The following BMPR2 variants were observed in gnomAD, a reference collection of about 807,000 sequenced individuals.
BMPR2 encodes bone morphogenetic protein receptor type 2.
Under a neutral mutation model 100.8 loss-of-function variants are expected in BMPR2, and 29 were observed. The observed-to-expected ratio is 0.29, with a 90% confidence interval of 0.21 to 0.39. The LOEUF (loss-of-function observed/expected upper bound fraction) is 0.39, where lower values mean the gene tolerates loss of function less well. BMPR2 is among the 10% of genes least tolerant of loss of function. The probability of loss-of-function intolerance (pLI) is 1.00; values close to 1 mark genes in which losing one functional copy is unlikely to be tolerated. For synonymous variants in BMPR2, 382 were observed against 442.3 expected, an observed-to-expected ratio of 0.86 and a Z score of 1.71; for missense variants, 1,011 against 1,274.5, an observed-to-expected ratio of 0.79 and a Z score of 3.15.
intron 1 of BMPR2, among the ~76,000 whole-genome samples, chr2:202,453,205 CTTT>C (rs5837819): frequency 2.0e-5 from 3 of 148,668 alleles, no homozygotes; most frequent in African/African-American, 7.4e-5. Context: ...TATATACTGT[CTTT>C]TTTTTTTTTG....
chr2:202,527,946 G>T (rs1687949100), intron 7 of BMPR2, among the ~76,000 whole-genome samples: 1 of 152,164 alleles, frequency 6.6e-6, no homozygotes, highest in African/African-American at 2.4e-5. Flanking sequence ...CACTTTAGGA[G>T]GCTGAGGCAG....
chr2:202,522,656 C>A (rs1268370407), intron 7 of BMPR2, among the ~76,000 whole-genome samples: 1 of 152,014 alleles, frequency 6.6e-6, no homozygotes, highest in Non-Finnish European at 1.5e-5. Flanking sequence ...ATAGTCAGAC[C>A]CCCATCTCTA....
intron 2 of BMPR2, among the ~76,000 whole-genome samples, chr2:202,465,975 A>G (rs903822881): frequency 1.3e-5 from 2 of 152,220 alleles, no homozygotes; most frequent in African/African-American, 4.8e-5. Context: ...CTTTTGCACA[A>G]CATATCATTG....
At chr2:202,377,671 G>T in intron 1 of BMPR2, 121 bp downstream of exon 1, 1 of 1,195,454 alleles carries the variant, frequency 8.4e-7, no homozygotes, top group Non-Finnish European at 1.2e-6. Flanking sequence ...GCGGTGCAGC[G>T]GAGCTGCGAC....
chr2:202,420,526 G>A (rs1473477694), intron 1 of BMPR2, among the ~76,000 whole-genome samples: 3 of 139,464 alleles, frequency 2.2e-5, no homozygotes, highest in Non-Finnish European at 3.1e-5. Flanking sequence ...GCAAACATCT[G>A]TAGAAGCATG....
At chr2:202,458,358 TACTCAGGAG>T (rs986982318) in intron 1 of BMPR2, among the ~76,000 whole-genome samples, 4 of 149,142 alleles carry the variant, frequency 2.7e-5, no homozygotes, top group South Asian at 2.1e-4. Context: ...TGGTCCCAGC[TACTCAGGAG>T]ACTTAGGTGG....
At chr2:202,426,698 A>G (rs922189451) in intron 1 of BMPR2, among the ~76,000 whole-genome samples, 9 of 151,950 alleles carry the variant, frequency 5.9e-5, no homozygotes, top group East Asian at 3.9e-4. Flanking sequence ...CCTGGGCAAC[A>G]TAGTAAGATC....
intron 3 of BMPR2, among the ~76,000 whole-genome samples, chr2:202,497,244 C>T (rs1171414822): frequency 6.6e-6 from 1 of 152,248 alleles, no homozygotes; most frequent in African/African-American, 2.4e-5. Context: ...GTGCCGCCCC[C>T]TGCTCCACGG....
chr2:202,532,349 G>T lies in BMPR2; in HGVS notation c.1129-236G>T, dbSNP rs73990297. Among the ~76,000 whole-genome samples, 5,249 of 152,208 alleles carry T rather than the reference G, an allele frequency of 0.034. 302 individuals are homozygous for T. Among genetic ancestry groups the T allele is most frequent in the African/African-American group, 0.12 (4,967 of 41,510 alleles). On this transcript the variant is annotated intron_variant, in intron 8 of 12. Transcript: ENST00000374580. This position sits in a 1 kb window ranked among gnomAD's most constrained non-coding sequence, Gnocchi z 4.1. Reference sequence around the variant, plus strand: ...TATTTATATTGATATACATAGGAAAGTCTAGCTCATTCTTTTTGATTGATT... The same window carrying T: ...TATTTATATTGATATACATAGGAAATTCTAGCTCATTCTTTTTGATTGATT...
At chr2:202,535,105 C>T (rs1412624204) in intron 9 of BMPR2, among the ~76,000 whole-genome samples, 1 of 146,934 alleles carries the variant, frequency 6.8e-6, no homozygotes, top group Non-Finnish European at 1.5e-5. Context: ...ACCTCCCTCC[C>T]GGACGGGGCG....
In BMPR2 at chr2:202,400,589, A is replaced by G. The variant is rs1690752099; in HGVS notation, c.76+23039A>G. Reference sequence around the variant, plus strand: ...TAGTCTTAGAGTTTAGTAGATGATAATGATAATAGCACACATTGCTGTTTT... The same window carrying G: ...TAGTCTTAGAGTTTAGTAGATGATAGTGATAATAGCACACATTGCTGTTTT... On this transcript the variant is annotated intron_variant, in intron 1 of 12. Coordinates refer to ENST00000374580, the MANE Select transcript of BMPR2 (RefSeq NM_001204.7). Among the ~76,000 whole-genome samples, 3 of 152,168 alleles carry G rather than the reference A, an allele frequency of 2.0e-5. No individual in the cohort carries two copies. The South Asian group carries it at 6.2e-4, about 32-fold the overall frequency.
intron 1 of BMPR2, among the ~76,000 whole-genome samples, chr2:202,427,812 T>C (rs1691420148): frequency 6.6e-6 from 1 of 151,938 alleles, no homozygotes; most frequent in Non-Finnish European, 1.5e-5. Flanking sequence ...ACCCCATCTC[T>C]ACAAAAAACA....
At chr2:202,528,663 A>G (rs1270510008) in intron 7 of BMPR2, among the ~76,000 whole-genome samples, 2 of 152,228 alleles carry the variant, frequency 1.3e-5, no homozygotes, top group African/African-American at 4.8e-5. Context: ...AAATCATCCA[A>G]TACAAAGTCT....
intron 7 of BMPR2, among the ~76,000 whole-genome samples, chr2:202,527,816 AT>A (rs1210328483): frequency 4.6e-5 from 7 of 152,036 alleles, no homozygotes; most frequent in East Asian, 1.9e-4. Context: ...TAATAAAAAA[AT>A]AAATAAATAA....
chr2:202,538,120 T>G (rs1688198112), intron 9 of BMPR2, among the ~76,000 whole-genome samples: 1 of 151,016 alleles, frequency 6.6e-6, no homozygotes, highest in Admixed American at 6.6e-5. Flanking sequence ...AGACTCCATG[T>G]CAAAAACTAA....
chr2:202,457,375 C>T lies in BMPR2; in HGVS notation c.77-7434C>T, dbSNP rs145282856. 4.0e-3 allele frequency among the ~76,000 whole-genome samples: 601 copies of T among 151,026 alleles called. 2 individuals are homozygous for T. The highest frequency in any genetic ancestry group is 6.4e-3 in the Non-Finnish European group (432 of 67,830). On this transcript the variant is annotated intron_variant, in intron 1 of 12. Coordinates refer to ENST00000374580, the MANE Select transcript of BMPR2 (RefSeq NM_001204.7). The stretch of plus-strand genomic sequence containing the variant: ...CTTAATATAGCTCATTTATCATGAA[C>T]ATGATATAATAATTTTTCATGACTA...
chr2:202,431,354 A>G (rs897051460), intron 1 of BMPR2, among the ~76,000 whole-genome samples: 13 of 150,654 alleles, frequency 8.6e-5, no homozygotes, highest in Non-Finnish European at 1.8e-4. Context: ...AGTAATACAA[A>G]CATAGGTATG....
chr2:202,530,374 T>C (rs1034746934), intron 7 of BMPR2, among the ~76,000 whole-genome samples: 4 of 152,226 alleles, frequency 2.6e-5, no homozygotes, highest in Non-Finnish European at 5.9e-5. Flanking sequence ...TGTTAAGCCA[T>C]AGGAGAGCAG....
Position 202,562,391 on chromosome 2 carries a change from A to T in BMPR2, c.*2445A>T, listed in dbSNP as rs1688690477. On this transcript the variant is annotated 3_prime_UTR_variant, in exon 13 of 13. Transcript: ENST00000374580. ...TTAAAACAAATAATTTCCTTTCACCAGTTTTTCTTAGTAAACTCCTGAAAA... is the reference window on the plus strand; with the variant it reads ...TTAAAACAAATAATTTCCTTTCACCTGTTTTTCTTAGTAAACTCCTGAAAA... The T allele has an allele frequency of 6.6e-6, 1 of 152,594 alleles. No individual in the cohort carries two copies. The highest frequency in any genetic ancestry group is 6.5e-5 in the Admixed American group (1 of 15,274). The allele number at this position is 152,594 out of a possible 1,614,324, so 9.5% of individuals were successfully genotyped here.
Sources: allele counts gnomAD v4.1 joint callset (sites outside exome capture counted in the v4.1 genomes callset), GRCh38; gene constraint gnomAD v4.1.1; non-coding constraint Gnocchi (gnomAD v3.1); transcripts MANE v1.5; gene names NCBI Gene and HGNC (gene_info 2026-07-23, HGNC 2026-07-21).